Variants in AP3D1 observed in about 807,000 individuals in gnomAD.
AP3D1 encodes AP-3 complex subunit delta-1.
In AP3D1, 51 loss-of-function variants were observed where a neutral mutation model predicts 147.6. The ratio of observed to expected loss-of-function variants is 0.35; its 90% CI spans 0.28 to 0.44. The LOEUF is 0.44. Among genes scored for constraint, AP3D1 ranks in the 20% least tolerant of loss-of-function variants. The probability of loss-of-function intolerance (pLI) is 1.00; values close to 1 mark genes in which losing one functional copy is unlikely to be tolerated. For synonymous variants in AP3D1, 760 were observed against 663.0 expected (o/e 1.15, Z -2.25); for missense variants, 1,421 against 1,624.2 (o/e 0.87, Z 2.15).
At chr19:2,143,777 A>C (rs2019285773) in intron 1 of AP3D1, among the ~76,000 whole-genome samples, 1 of 151,788 alleles carries the variant, frequency 6.6e-6, no homozygotes, top group South Asian at 2.1e-4. Context: ...AAAAAAAATA[A>C]AAAAGGAAAT....
chr19:2,117,115 C>A, intron 16 of AP3D1, 107 bp downstream of exon 16: 2 of 1,405,794 alleles, frequency 1.4e-6, no homozygotes, highest in South Asian at 3.0e-5. Context: ...CAATCAGCCC[C>A]ACACCCTCCT....
upstream of AP3D1, among the ~76,000 whole-genome samples, chr19:2,155,531 C>CAAAAAA (rs60793261): frequency 3.6e-5 from 2 of 55,298 alleles, no homozygotes; most frequent in African/African-American, 6.9e-5. Flanking sequence ...GACTCTGTCT[C>CAAAAAA]AAAAAAAAAA....
chr19:2,106,186 G>A (rs972021061), intron 31 of AP3D1, among the ~76,000 whole-genome samples: 1 of 152,150 alleles, frequency 6.6e-6, no homozygotes, highest in East Asian at 1.9e-4. Flanking sequence ...GTGCAGCACT[G>A]GGGAAGACAG....
intron 22 of AP3D1, among the ~76,000 whole-genome samples, chr19:2,113,814 G>A (rs1231198154): frequency 1.3e-5 from 2 of 152,228 alleles, no homozygotes; most frequent in African/African-American, 2.4e-5. Flanking sequence ...CTGCAGAAAC[G>A]GTTCTGGAGC....
rs1312447320 is a variant in AP3D1 at position 2,110,127 on chromosome 19, C to T, written c.3264+9G>A. ...TCGGCTCTTCAACGCCAAGTGGAGCCCTGCATACCTTGGCAATGAAGGACA... is the reference window on the plus strand; with the variant it reads ...TCGGCTCTTCAACGCCAAGTGGAGCTCTGCATACCTTGGCAATGAAGGACA... On this transcript the variant is annotated intron_variant, in intron 28 of 31. Coordinates refer to ENST00000643116, the MANE Select transcript of AP3D1 (RefSeq NM_001261826.3). 3.1e-6 allele frequency: 5 copies of T among 1,612,174 alleles called. No homozygotes were observed. Among genetic ancestry groups the T allele is most frequent in the Middle Eastern group, 1.8e-4 (1 of 5,420 alleles).
intron 1 of AP3D1, among the ~76,000 whole-genome samples, chr19:2,148,432 C>G (rs2019419506): frequency 6.6e-6 from 1 of 152,220 alleles, no homozygotes; most frequent in Non-Finnish European, 1.5e-5. Flanking sequence ...AGGACGGTTA[C>G]TGTATGTGCC....
chr19:2,137,934 A>C, intron 2 of AP3D1, 127 bp from the exon 3 acceptor site: 5 of 661,868 alleles, frequency 7.6e-6, no homozygotes, highest in Non-Finnish European at 1.3e-5. Flanking sequence ...TCAGCAAACC[A>C]CCCAATACGT....
chr19:2,104,223 C>T (rs2144985541), intron 31 of AP3D1, among the ~76,000 whole-genome samples: 1 of 151,384 alleles, frequency 6.6e-6, no homozygotes, highest in South Asian at 2.1e-4. Flanking sequence ...GAGACTCCAA[C>T]ACCGAGATGC....
chr19:2,122,612 A>G (rs540403698), intron 11 of AP3D1, among the ~76,000 whole-genome samples: 15 of 152,244 alleles, frequency 9.9e-5, no homozygotes, highest in Non-Finnish European at 1.8e-4. Context: ...ATTAGGCACA[A>G]TAAGAAATGA....
At chr19:2,106,216 C>T (rs2018107489) in intron 31 of AP3D1, among the ~76,000 whole-genome samples, 1 of 152,148 alleles carries the variant, frequency 6.6e-6, no homozygotes, top group African/African-American at 2.4e-5. Context: ...TCCTCAAAAC[C>T]TCAAACGTGG....
In AP3D1 at chr19:2,129,369, C is replaced by T; in HGVS notation, c.681G>A (p.Lys227=). 6.2e-7 allele frequency: 1 copy of T among 1,614,102 alleles called. No homozygotes were observed. The highest frequency in any genetic ancestry group is 8.5e-7 in the Non-Finnish European group (1 of 1,180,014). ...NYLSLAPLFF[K]LMTSSTNNWV... is the part of the protein sequence containing the mutation. ...AGTTGTTGGTGGAGGACGTCATCAGCTTGAAAAAGAGCGGGGCCAGGGACA... is the reference window on the plus strand; with the variant it reads ...AGTTGTTGGTGGAGGACGTCATCAGTTTGAAAAAGAGCGGGGCCAGGGACA... The change falls in exon 7 of 32, where the codon AAG becomes AAA. Residue 227 remains lysine (K), a synonymous_variant. Transcript: ENST00000643116.
chr19:2,130,383 T>C, intron 6 of AP3D1, 25 bp downstream of exon 6: 1 of 1,613,374 alleles, frequency 6.2e-7, no homozygotes, highest in East Asian at 2.2e-5. Flanking sequence ...CCCTCAACCC[T>C]GAGGCTTAAC....
chr19:2,130,533 G>A lies in AP3D1; in HGVS notation c.467C>T (p.Ser156Leu). The A allele has an allele frequency of 6.2e-7, 1 of 1,613,884 alleles. No homozygotes were observed. Among genetic ancestry groups the A allele is most frequent in the Non-Finnish European group, 8.5e-7 (1 of 1,179,892 alleles). ...DLANDIMTLM[S>L]HTKPYIRKKA... Reference sequence around the variant, plus strand: ...CTTCCTGATGTAGGGCTTGGTGTGTGACATCTGCGGGGCAGCGGGCTTCAG... The same window carrying A: ...CTTCCTGATGTAGGGCTTGGTGTGTAACATCTGCGGGGCAGCGGGCTTCAG... The change falls in exon 6 of 32, where the codon TCA (serine) becomes TTA (leucine). Residue 156 changes from serine (S) to leucine (L), a missense_variant. Physicochemically the swap from Ser to Leu is moderately radical, Grantham distance 145 (BLOSUM62 -2). Coordinates refer to ENST00000643116, the MANE Select transcript of AP3D1 (RefSeq NM_001261826.3).
intron 14 of AP3D1, among the ~76,000 whole-genome samples, chr19:2,119,523 C>T (rs112112584): frequency 6.6e-6 from 1 of 152,048 alleles, no homozygotes; most frequent in South Asian, 2.1e-4. Context: ...GAAACCCCAT[C>T]TCTACTAAAA....
Position 2,137,074 on chromosome 19 carries a change from A to G in AP3D1, c.291T>C (p.Ala97=), listed in dbSNP as rs1330428332. The change falls in exon 4 of 32, where the codon GCT becomes GCC. Residue 97 remains alanine, a synonymous_variant. Transcript: ENST00000643116. ...TGCCTTCGTGAAAGCTCTGGGAAGCAGCGAGGTAGCCAATTCGCTGGGAGA... is the reference window on the plus strand; with the variant it reads ...TGCCTTCGTGAAAGCTCTGGGAAGCGGCGAGGTAGCCAATTCGCTGGGAGA... The part of the protein sequence containing the change: ...KFTFKRIGYL[A]ASQSFHEGTD... The G allele has an allele frequency of 6.9e-6, 11 of 1,590,650 alleles. No homozygotes were observed. The highest frequency in any genetic ancestry group is 1.1e-5 in the South Asian group (1 of 87,354).
intron 27 of AP3D1, 119 bp downstream of exon 27, chr19:2,110,588 G>C: frequency 8.8e-7 from 1 of 1,140,770 alleles, no homozygotes; most frequent in Non-Finnish European, 1.2e-6. Flanking sequence ...CTGAGGTGCA[G>C]CCTGGGGACA....
chr19:2,124,292 G>C (rs1457033333), intron 9 of AP3D1, among the ~76,000 whole-genome samples: 1 of 152,226 alleles, frequency 6.6e-6, no homozygotes, highest in Non-Finnish European at 1.5e-5. Flanking sequence ...ACAGCTCACT[G>C]CTGGGGGATG....
At chr19:2,120,670 A>AGGG (rs774394995) in intron 14 of AP3D1, among the ~76,000 whole-genome samples, 192 bp downstream of exon 14, 9 of 152,042 alleles carry the variant, frequency 5.9e-5, no homozygotes, top group Non-Finnish European at 1.0e-4. Flanking sequence ...GGCAGCACAG[A>AGGG]CTCGCCTCTG....
chr19:2,164,462 G>T (rs2019831138), exon 1 of AP3D1: 1 of 354,674 alleles, frequency 2.8e-6, no homozygotes, highest in Non-Finnish European at 4.9e-6. Flanking sequence ...TGGGAGCCCC[G>T]CGCGCCTGGG....
Sources: allele counts gnomAD v4.1 joint callset (sites outside exome capture counted in the v4.1 genomes callset), GRCh38; gene constraint gnomAD v4.1.1; transcripts MANE v1.5; gene names NCBI Gene and HGNC (gene_info 2026-07-23, HGNC 2026-07-21).